The following SLC23A1 variants were observed in gnomAD, a reference collection of about 807,000 sequenced individuals.
SLC23A1 encodes the protein Na(+)/L-ascorbic acid transporter 1.
In SLC23A1, 31 loss-of-function variants were observed where a neutral mutation model predicts 62.5. That is an observed-to-expected ratio of 0.50 (90% CI 0.37 to 0.67). SLC23A1 has a LOEUF of 0.67. Ranked by LOEUF, SLC23A1 falls within the 30% of genes least tolerant of loss-of-function variation. The pLI is 0.00. For synonymous variants in SLC23A1, 271 were observed against 313.2 expected, an observed-to-expected ratio of 0.87 and a Z score of 1.42; for missense variants, 640 against 782.7, an observed-to-expected ratio of 0.82 and a Z score of 2.18.
rs996377970 is a variant in SLC23A1 at position 139,379,848 on chromosome 5, G to A, written c.769-14C>T. 6.2e-7 allele frequency: 1 copy of A among 1,614,094 alleles called. No individual in the cohort carries two copies. On this transcript the variant is annotated splice_polypyrimidine_tract_variant and intron_variant, in intron 7 of 14. Coordinates refer to ENST00000348729, the MANE Select transcript of SLC23A1 (RefSeq NM_005847.5). The surrounding 1 kb of genome is among the most constrained non-coding windows in gnomAD (Gnocchi z 4.7). ...GGCCAGCATGATCTGAAGGAGGGGG[G>A]TGAGGGGGCACTGAAGGCACTGGAG...
chr5:139,369,323 C>T (rs1757504010), intron 14 of SLC23A1: 1 of 152,816 alleles, frequency 6.5e-6, no homozygotes. Flanking sequence ...AGTGCCAGTC[C>T]AGCCTTTTCT....
In SLC23A1 at chr5:139,378,500, C is replaced by T. The variant is rs1227760886; in HGVS notation, c.1179+79G>A. 11 of 1,452,054 alleles carry T rather than the reference C, an allele frequency of 7.6e-6. No individual in the cohort carries two copies. The highest frequency in any genetic ancestry group is 4.6e-4 in the Middle Eastern group (2 of 4,336). 89.9% of individuals were successfully genotyped at this position (1,452,054 alleles called of 1,614,324 possible). A position where few individuals can be genotyped will look rare whatever the true frequency, so the allele number is the denominator to read the frequency against. ...CTCTCAAAGACAGGGTGGGGCTAAA[C>T]CAAAGTGGGGACCGAGTTGGGGCGG... On this transcript the variant is annotated intron_variant, in intron 10 of 14. Transcript: ENST00000348729. The surrounding 1 kb of genome is among the most constrained non-coding windows in gnomAD (Gnocchi z 4.5).
At position 139,378,400 on chromosome 5, in the gene SLC23A1, G is replaced by A. The variant is rs886399973; in HGVS notation, c.1180-49C>T. 9.1e-6 allele frequency: 14 copies of A among 1,542,754 alleles called. No individual in the cohort carries two copies. Among genetic ancestry groups the A allele is most frequent in the Non-Finnish European group, 1.2e-5 (14 of 1,142,554 alleles). ...CTAGACCTGGGGACGAGGCTGGGGC[G>A]GGGTTAGTTCCAGGGGCGGGGCCTG... On this transcript the variant is annotated intron_variant, in intron 10 of 14. Transcript: ENST00000348729. The surrounding 1 kb of genome is among the most constrained non-coding windows in gnomAD (Gnocchi z 4.5).
chr5:139,370,694 A>G (rs984970074), intron 14 of SLC23A1, among the ~76,000 whole-genome samples: 9 of 151,932 alleles, frequency 5.9e-5, no homozygotes, highest in African/African-American at 2.2e-4. Context: ...CGGTTTTGCC[A>G]TGTTGGCCAG....
Position 139,380,471 on chromosome 5 carries a change from C to T in SLC23A1, c.466-82G>A, listed in dbSNP as rs760642683. 5 of 1,594,680 alleles carry T rather than the reference C, an allele frequency of 3.1e-6. No homozygotes were observed. The Admixed American group carries it at 8.3e-5, about 27-fold the overall frequency. On this transcript the variant is annotated intron_variant, in intron 5 of 14. Coordinates refer to ENST00000348729, the MANE Select transcript of SLC23A1 (RefSeq NM_005847.5). Reference sequence around the variant, plus strand: ...GCTAGCAGGAACAAAGCTCCTGGACCACCTCCTCAAATCCCCAAACTCAGC... The same window carrying T: ...GCTAGCAGGAACAAAGCTCCTGGACTACCTCCTCAAATCCCCAAACTCAGC...
At position 139,378,058 on chromosome 5, in the gene SLC23A1, T is replaced by C. The variant is rs753319540; in HGVS notation, c.1370A>G (p.Asn457Ser). ...LQFVDMNSSRNLFVLGFSMFF... is the reference protein window; with the variant it reads ...LQFVDMNSSRSLFVLGFSMFF... Reference sequence around the variant, plus strand: ...CATGGAAAATCCCAGCACGAAGAGGTTGCGAGAGGAGTTCATGTCCACAAA... The same window carrying C: ...CATGGAAAATCCCAGCACGAAGAGGCTGCGAGAGGAGTTCATGTCCACAAA... The change falls in exon 12 of 15, where the codon AAC becomes AGC. Residue 457 changes from asparagine (N) to serine (S), a missense_variant. Coordinates refer to ENST00000348729, the MANE Select transcript of SLC23A1 (RefSeq NM_005847.5). This position sits in a 1 kb window ranked among gnomAD's most constrained non-coding sequence, Gnocchi z 4.5. 9 of 1,613,984 alleles carry C rather than the reference T, an allele frequency of 5.6e-6. No individual in the cohort carries two copies. The Admixed American group carries it at 1.5e-4, about 27-fold the overall frequency.
chr5:139,382,729 TCCCCAA>T, intron 1 of SLC23A1, 124 bp from the exon 2 acceptor site: 1 of 645,528 alleles, frequency 1.5e-6, no homozygotes, highest in Non-Finnish European at 2.8e-6. Flanking sequence ...GTTCCCGCCC[TCCCCAA>T]CAGTCCATCC....
At chr5:139,381,790 C>T in intron 3 of SLC23A1, 102 bp downstream of exon 3, 1 of 989,672 alleles carries the variant, frequency 1.0e-6, no homozygotes, top group Non-Finnish European at 1.5e-6. Flanking sequence ...CAGAAAGCGG[C>T]TTTTTTGTCT....
At chr5:139,380,740 AC>A (rs1758211699) in intron 4 of SLC23A1, 57 bp downstream of exon 4, 1 of 1,462,706 alleles carries the variant, frequency 6.8e-7, no homozygotes, top group Non-Finnish European at 9.6e-7. Flanking sequence ...AGTTGCTCAG[AC>A]CTCCAGGTCT....
intron 1 of SLC23A1, 68 bp from the exon 2 acceptor site, chr5:139,382,673 G>C (rs1014497151): frequency 3.0e-5 from 29 of 979,696 alleles, no homozygotes; most frequent in Non-Finnish European, 4.5e-5. Flanking sequence ...TTCTGCCCCA[G>C]AATCAATCAG....
intron 1 of SLC23A1, 107 bp from the exon 2 acceptor site, chr5:139,382,712 G>C (rs1420777596): frequency 1.4e-6 from 1 of 733,662 alleles, no homozygotes; most frequent in South Asian, 1.5e-5. Context: ...CAGCAACTGA[G>C]AGCGGGGTTC....
chr5:139,384,382 A>G, upstream of SLC23A1: 3 of 1,289,154 alleles, frequency 2.3e-6, no homozygotes, highest in South Asian at 3.7e-5. Context: ...GCCCATGGCC[A>G]GGCCCTGCCT....
intron 14 of SLC23A1, chr5:139,369,641 G>A (rs1757529280): frequency 6.6e-6 from 1 of 152,518 alleles, no homozygotes; most frequent in African/African-American, 2.4e-5. Flanking sequence ...AGTGTGAATA[G>A]TGTTTAAGTT....
Position 139,376,630 on chromosome 5 carries a change from G to A in SLC23A1, c.1549+772C>T, listed in dbSNP as rs192227029. On this transcript the variant is annotated intron_variant, in intron 13 of 14. Transcript: ENST00000348729. ...ATATATTTACTGGCATCTTTATGCGGGCCCCACAAAGTATCCTCCACGATC... is the reference window on the plus strand; with the variant it reads ...ATATATTTACTGGCATCTTTATGCGAGCCCCACAAAGTATCCTCCACGATC... Among the ~76,000 whole-genome samples, 16 of 152,266 alleles carry A rather than the reference G, an allele frequency of 1.1e-4. No individual in the cohort carries two copies. The East Asian group carries it at 3.1e-3, about 29-fold the overall frequency.
In SLC23A1 at chr5:139,380,795, C is replaced by T; in HGVS notation, c.397+3G>A. ...CCAGTGCAGACCCCAGAAGTGTACC[C>T]ACCTTCCGGGGGGCATTTCCATCTC... On this transcript the variant is annotated splice_donor_region_variant and intron_variant, in intron 4 of 14. Coordinates refer to ENST00000348729, the MANE Select transcript of SLC23A1 (RefSeq NM_005847.5). 6.4e-7 allele frequency: 1 copy of T among 1,555,580 alleles called. No individual in the cohort carries two copies. The highest frequency in any genetic ancestry group is 8.8e-7 in the Non-Finnish European group (1 of 1,142,264).
Position 139,382,511 on chromosome 5 carries a change from C to T in SLC23A1, c.131G>A (p.Cys44Tyr). 1 of 1,612,018 alleles carries T rather than the reference C, an allele frequency of 6.2e-7. No homozygotes were observed. Among genetic ancestry groups the T allele is most frequent in the Non-Finnish European group, 8.5e-7 (1 of 1,178,292 alleles). Residue 44 changes from cysteine (C) to tyrosine (Y), a missense_variant, in exon 2 of 15, where the codon TGC becomes TAC. By Grantham distance (194) the Cys-to-Tyr change is radical. Transcript: ENST00000348729. ...KIEDVPPWYL[C>Y]ILLGFQHYLT... Reference sequence around the variant, plus strand: ...ACCCACCTGGAAGCCCAGCAGGATGCACAGGTACCAAGGTGGCACGTCCTC... The same window carrying T: ...ACCCACCTGGAAGCCCAGCAGGATGTACAGGTACCAAGGTGGCACGTCCTC...
At chr5:139,373,280 C>T (rs193206238) in intron 13 of SLC23A1, among the ~76,000 whole-genome samples, 63 of 152,030 alleles carry the variant, frequency 4.1e-4, no homozygotes, top group Middle Eastern at 3.4e-3. Context: ...CAGATGCAAG[C>T]GATTCTCCTG....
rs766920510 is a variant in SLC23A1, at chr5:139,378,043, C to G, written c.1385G>C (p.Gly462Ala). 6.2e-7 allele frequency: 1 copy of G among 1,614,134 alleles called. No individual in the cohort carries two copies. Among genetic ancestry groups the G allele is most frequent in the Non-Finnish European group, 8.5e-7 (1 of 1,180,014 alleles). The change falls in exon 12 of 15, where the codon GGA becomes GCA. Residue 462 changes from glycine (G) to alanine (A), a missense_variant. Coordinates refer to ENST00000348729, the MANE Select transcript of SLC23A1 (RefSeq NM_005847.5). This position sits in a 1 kb window ranked among gnomAD's most constrained non-coding sequence, Gnocchi z 4.5. Reference sequence around the variant, plus strand: ...CGTGAGCCCGAAGAACATGGAAAATCCCAGCACGAAGAGGTTGCGAGAGGA... The same window carrying G: ...CGTGAGCCCGAAGAACATGGAAAATGCCAGCACGAAGAGGTTGCGAGAGGA... ...MNSSRNLFVL[G>A]FSMFFGLTLP...
chr5:139,372,710 T>A (rs1204371973), intron 13 of SLC23A1, among the ~76,000 whole-genome samples: 1 of 151,984 alleles, frequency 6.6e-6, no homozygotes, highest in Non-Finnish European at 1.5e-5. Flanking sequence ...TCAGTCTCCT[T>A]AGTAGCTGGG....
Sources: allele counts gnomAD v4.1 joint callset (sites outside exome capture counted in the v4.1 genomes callset), GRCh38; gene constraint gnomAD v4.1.1; non-coding constraint Gnocchi (gnomAD v3.1); transcripts MANE v1.5; gene names NCBI Gene and HGNC (gene_info 2026-07-23, HGNC 2026-07-21).